AGBL1: variants seen among roughly 807,000 people sequenced by gnomAD.
The protein encoded by AGBL1 is cytosolic carboxypeptidase 4.
Under a neutral mutation model 118.9 loss-of-function variants are expected in AGBL1, and 130 were observed. That is an observed-to-expected ratio of 1.09 (90% CI 0.95 to 1.26). AGBL1 has a LOEUF of 1.26. Ranked by LOEUF, AGBL1 falls within the 50% of genes most tolerant of loss-of-function variation. The probability of loss-of-function intolerance (pLI) is 0.00; values close to 1 mark genes in which losing one functional copy is unlikely to be tolerated. For missense variants in AGBL1, 1,584 were observed against 1,298.1 expected (o/e 1.22, Z -3.38); for synonymous variants, 555 against 478.9 (o/e 1.16, Z -2.08).
At chr15:86,208,497 G>A (rs906078536) in intron 5 of AGBL1, among the ~76,000 whole-genome samples, 6 of 152,112 alleles carry the variant, frequency 3.9e-5, no homozygotes, top group Admixed American at 3.9e-4. Flanking sequence ...CAATTTCAGA[G>A]CCTGTTATTG....
At chr15:86,671,744 A>T (rs2142542920) in intron 21 of AGBL1, among the ~76,000 whole-genome samples, 1 of 152,354 alleles carries the variant, frequency 6.6e-6, no homozygotes, top group Admixed American at 6.5e-5. Flanking sequence ...AGAGAAGTCA[A>T]GTTCTACTTG....
intron 24 of AGBL1, among the ~76,000 whole-genome samples, chr15:87,005,578 A>G (rs1425148972): frequency 2.6e-5 from 4 of 152,066 alleles, no homozygotes; most frequent in African/African-American, 7.2e-5. Context: ...AGTCAATCTG[A>G]TTAGCCATTT....
At position 86,631,304 on chromosome 15, in the gene AGBL1, G is replaced by C. The variant is rs897742935; in HGVS notation, c.2995-42969G>C. On this transcript the variant is annotated intron_variant, in intron 21 of 22. Coordinates refer to ENST00000614907, the MANE Select transcript of AGBL1 (RefSeq NM_001386094.1). ...AGGAAGTAGGGGGAGACGTAGGTTT[G>C]GGGAGAAAAAAAAGTCATATTCATT... Among the ~76,000 whole-genome samples the C allele has an allele frequency of 2.0e-5, 3 of 148,772 alleles. No homozygotes were observed. The South Asian group carries it at 6.5e-4, about 32-fold the overall frequency.
intron 17 of AGBL1, among the ~76,000 whole-genome samples, chr15:86,309,467 C>T (rs1011106970): frequency 6.6e-6 from 1 of 152,194 alleles, no homozygotes; most frequent in Non-Finnish European, 1.5e-5. Flanking sequence ...TGAGAGTAGG[C>T]ATCCTTGTCT....
intron 22 of AGBL1, among the ~76,000 whole-genome samples, chr15:86,887,414 G>C (rs1392964976): frequency 6.6e-6 from 1 of 152,166 alleles, no homozygotes; most frequent in East Asian, 1.9e-4. Context: ...CCTGAACTCA[G>C]ACTTCACTGA....
chr15:86,595,338 T>C (rs924364003), intron 21 of AGBL1, among the ~76,000 whole-genome samples: 1 of 152,174 alleles, frequency 6.6e-6, no homozygotes, highest in Non-Finnish European at 1.5e-5. Context: ...GCTTCAAAAC[T>C]TGCTCCTCTC....
At chr15:86,146,479 C>A (rs1468281040) in intron 3 of AGBL1, among the ~76,000 whole-genome samples, 2 of 152,162 alleles carry the variant, frequency 1.3e-5, no homozygotes, top group African/African-American at 2.4e-5. Flanking sequence ...CACGTGGACA[C>A]TGAGGGATGA....
chr15:86,388,160 T>A (rs988758455), intron 17 of AGBL1, among the ~76,000 whole-genome samples: 1 of 152,078 alleles, frequency 6.6e-6, no homozygotes, highest in Non-Finnish European at 1.5e-5. Flanking sequence ...TGGGAAGGAA[T>A]TGTGTCCCAG....
chr15:86,560,171 A>C (rs966101155), intron 21 of AGBL1, among the ~76,000 whole-genome samples: 7 of 151,504 alleles, frequency 4.6e-5, no homozygotes, highest in Admixed American at 4.6e-4. Context: ...TTTAAGTTCT[A>C]GGGTACATGT....
intron 1 of AGBL1, among the ~76,000 whole-genome samples, chr15:86,124,677 G>A (rs895010318): frequency 2.0e-5 from 3 of 152,174 alleles, no homozygotes; most frequent in Admixed American, 1.3e-4. Context: ...CACAAAGAGA[G>A]TCTACATTTT....
intron 18 of AGBL1, among the ~76,000 whole-genome samples, chr15:86,455,179 C>G (rs981116694): frequency 4.6e-5 from 7 of 152,098 alleles, no homozygotes; most frequent in Non-Finnish European, 1.0e-4. Flanking sequence ...GTTGAAATAC[C>G]AGGCATTTGT....
intron 1 of AGBL1, among the ~76,000 whole-genome samples, chr15:86,117,415 G>A (rs1258370234): frequency 6.6e-6 from 1 of 152,116 alleles, no homozygotes; most frequent in African/African-American, 2.4e-5. Context: ...TTTGGCATCT[G>A]ATTGACCTAC....
intron 18 of AGBL1, among the ~76,000 whole-genome samples, chr15:86,451,201 G>A (rs1020413368): frequency 2.9e-5 from 4 of 139,854 alleles, no homozygotes; most frequent in Admixed American, 7.0e-5. Flanking sequence ...CAGCATGTGT[G>A]ACTTTCTCAG....
chr15:86,701,171 C>G (rs1364637342), intron 22 of AGBL1, among the ~76,000 whole-genome samples: 1 of 152,062 alleles, frequency 6.6e-6, no homozygotes, highest in Non-Finnish European at 1.5e-5. Context: ...TGACATTCTG[C>G]TGGGAGAATT....
intron 23 of AGBL1, among the ~76,000 whole-genome samples, chr15:86,980,859 A>AATATAAAT (rs1351102095): frequency 6.6e-6 from 1 of 151,392 alleles, no homozygotes; most frequent in African/African-American, 2.4e-5. Flanking sequence ...CTGTCTACTA[A>AATATAAAT]ATATAAATAG....
chr15:86,582,902 C>T (rs1428978194), intron 21 of AGBL1, among the ~76,000 whole-genome samples: 1 of 151,592 alleles, frequency 6.6e-6, no homozygotes, highest in Non-Finnish European at 1.5e-5. Flanking sequence ...AGTAGATATA[C>T]CTAATGCTAA....
intron 17 of AGBL1, among the ~76,000 whole-genome samples, chr15:86,384,599 G>C (rs2081158171): frequency 6.6e-6 from 1 of 152,030 alleles, no homozygotes; most frequent in African/African-American, 2.4e-5. Flanking sequence ...AGAGAAATCT[G>C]TAGTTTGATG....
At chr15:86,961,327 A>T (rs1327807501) in intron 23 of AGBL1, among the ~76,000 whole-genome samples, 1 of 152,128 alleles carries the variant, frequency 6.6e-6, no homozygotes, top group Non-Finnish European at 1.5e-5. Context: ...AAAAAAGCCA[A>T]TGAGGGTCCA....
At chr15:86,109,080 G>A (rs1184185563) in intron 1 of AGBL1, among the ~76,000 whole-genome samples, 1 of 152,104 alleles carries the variant, frequency 6.6e-6, no homozygotes, top group African/African-American at 2.4e-5. Flanking sequence ...ATGGATATTG[G>A]TTGCCTGAAA....
Sources: gnomAD v4.1 joint callset for allele counts (sites outside exome capture counted in the v4.1 genomes callset) on GRCh38, gnomAD v4.1.1 for gene constraint, MANE v1.5 for transcripts, NCBI Gene and HGNC (gene_info 2026-07-23, HGNC 2026-07-21) for gene names.